PCDHGA2: variants seen among roughly 807,000 people sequenced by gnomAD.
PCDHGA2 encodes protocadherin gamma subfamily A, 2, also known as protocadherin gamma-A2.
Under a neutral mutation model 59.2 loss-of-function variants are expected in PCDHGA2, and 40 were observed. The observed-to-expected ratio is 0.68, with a 90% CI of 0.52 to 0.88. The LOEUF (loss-of-function observed/expected upper bound fraction) is 0.88. Among genes scored for constraint, PCDHGA2 ranks in the 40% least tolerant of loss-of-function variants. The probability of loss-of-function intolerance (pLI) is 0.00; values close to 1 mark genes in which losing one functional copy is unlikely to be tolerated. For missense variants in PCDHGA2, 1,226 were observed against 1,204.0 expected (o/e 1.02, Z -0.27); for synonymous variants, 560 against 526.0 (o/e 1.06, Z -0.89).
chr5:141,357,665 C>A, intron 1 of PCDHGA2: 1 of 1,599,548 alleles, frequency 6.3e-7, no homozygotes, highest in Non-Finnish European at 8.5e-7. Flanking sequence ...GAAATATAGA[C>A]AAAGAGTTGT....
chr5:141,474,499 C>T (rs1480109147), intron 1 of PCDHGA2, among the ~76,000 whole-genome samples: 1 of 152,198 alleles, frequency 6.6e-6, no homozygotes, highest in Non-Finnish European at 1.5e-5. Context: ...TCTTCTAATG[C>T]CTATCAGCCC....
chr5:141,374,386 G>A (rs933509212), intron 1 of PCDHGA2: 6 of 1,613,940 alleles, frequency 3.7e-6, no homozygotes, highest in Admixed American at 1.7e-5. Context: ...AGAGCCCGCG[G>A]TGTCTGGTGA....
intron 1 of PCDHGA2, among the ~76,000 whole-genome samples, chr5:141,492,080 G>A (rs576661909): frequency 6.6e-6 from 1 of 152,352 alleles, no homozygotes; most frequent in African/African-American, 2.4e-5. Context: ...GCCGGCTCCG[G>A]CACGCTTCGC....
intron 1 of PCDHGA2, among the ~76,000 whole-genome samples, chr5:141,353,822 G>C (rs1319951796): frequency 1.3e-5 from 2 of 152,124 alleles, no homozygotes; most frequent in South Asian, 4.1e-4. Flanking sequence ...ATCATCCGCA[G>C]TTTGTGCGGT....
chr5:141,370,228 C>T (rs1172263446), intron 1 of PCDHGA2: 1 of 585,074 alleles, frequency 1.7e-6, no homozygotes, highest in Non-Finnish European at 2.8e-6. Flanking sequence ...CTGCAGCCAG[C>T]TCGGAAGAAA....
intron 1 of PCDHGA2, chr5:141,423,820 C>T: frequency 7.9e-7 from 1 of 1,272,642 alleles, no homozygotes. Context: ...TTTTACTTTG[C>T]CTTTCATGAG....
At chr5:141,457,750 C>G (rs900052683) in intron 1 of PCDHGA2, among the ~76,000 whole-genome samples, 4 of 152,188 alleles carry the variant, frequency 2.6e-5, no homozygotes, top group African/African-American at 9.6e-5. Flanking sequence ...AAGCTGAGCC[C>G]AGACATGGGT....
At chr5:141,416,859 G>C (rs1411419006) in intron 1 of PCDHGA2, 1 of 151,936 alleles carries the variant, frequency 6.6e-6, no homozygotes, top group African/African-American at 2.4e-5. Context: ...ATTTTTTTCA[G>C]GTCAGTCAAC....
intron 1 of PCDHGA2, among the ~76,000 whole-genome samples, chr5:141,455,890 T>G (rs1055285369): frequency 1.3e-5 from 2 of 149,264 alleles, no homozygotes; most frequent in African/African-American, 2.4e-5. Flanking sequence ...TTTATTTATT[T>G]ATTTATTTAT....
chr5:141,419,539 G>A, intron 1 of PCDHGA2: 3 of 1,612,058 alleles, frequency 1.9e-6, no homozygotes, highest in Non-Finnish European at 2.5e-6. Flanking sequence ...ACAACGCACC[G>A]CGGGTGCTGT....
intron 1 of PCDHGA2, among the ~76,000 whole-genome samples, chr5:141,444,315 G>A (rs2098431855): frequency 6.6e-6 from 1 of 151,946 alleles, no homozygotes; most frequent in South Asian, 2.1e-4. Flanking sequence ...AGGATTACAG[G>A]CATGTGCCAC....
intron 3 of PCDHGA2, among the ~76,000 whole-genome samples, chr5:141,510,272 TAAAAAA>T (rs546154379): frequency 7.7e-6 from 1 of 130,390 alleles, no homozygotes; most frequent in Non-Finnish European, 1.6e-5. Context: ...GACTCCATCT[TAAAAAA>T]AAAAAAAAAA....
intron 1 of PCDHGA2, among the ~76,000 whole-genome samples, chr5:141,465,040 C>T (rs1396261200): frequency 6.6e-6 from 1 of 151,842 alleles, no homozygotes; most frequent in Non-Finnish European, 1.5e-5. Context: ...CCACAAATGA[C>T]CCTATATATT....
chr5:141,370,541 C>A (rs760146561), intron 1 of PCDHGA2: 2 of 1,613,924 alleles, frequency 1.2e-6, no homozygotes, highest in African/African-American at 1.3e-5. Flanking sequence ...TGGTAGGGAA[C>A]CTCGCCAAGG....
intron 1 of PCDHGA2, chr5:141,377,681 T>C (rs1458996309): frequency 6.6e-6 from 1 of 152,182 alleles, no homozygotes; most frequent in Non-Finnish European, 1.5e-5. Flanking sequence ...ACAAGAGATC[T>C]TTCACCTTTA....
At chr5:141,385,281 C>T (rs761366864) in intron 1 of PCDHGA2, 6 of 1,613,348 alleles carry the variant, frequency 3.7e-6, no homozygotes, top group East Asian at 2.2e-5. Flanking sequence ...TGCTAACATC[C>T]GTAGATTTTC....
At chr5:141,470,872 TTTTTTGTTTTTG>T (rs900302332) in intron 1 of PCDHGA2, among the ~76,000 whole-genome samples, 1 of 151,814 alleles carries the variant, frequency 6.6e-6, no homozygotes, top group Non-Finnish European at 1.5e-5. Context: ...GTTTGTTTGT[TTTTTTGTTTTTG>T]TTTTTGTTTT....
intron 1 of PCDHGA2, chr5:141,377,947 G>A (rs1280441389): frequency 1.3e-5 from 2 of 152,286 alleles, no homozygotes; most frequent in Middle Eastern, 3.4e-3. Flanking sequence ...TATAGAGTGT[G>A]TATCCAGGGC....
chr5:141,427,787 C>T, intron 1 of PCDHGA2: 1 of 1,478,068 alleles, frequency 6.8e-7, no homozygotes, highest in Non-Finnish European at 9.4e-7. Flanking sequence ...CACTGTCGTC[C>T]TACGTGTCCG....
Sources: gnomAD v4.1 joint callset for allele counts (sites outside exome capture counted in the v4.1 genomes callset) on GRCh38, gnomAD v4.1.1 for gene constraint, MANE v1.5 for transcripts, NCBI Gene and HGNC (gene_info 2026-07-23, HGNC 2026-07-21) for gene names.